ARMH1: variants seen among roughly 807,000 people sequenced by gnomAD.
ARMH1 encodes armadillo like helical domain containing 1.
ARMH1 carries 34 observed loss-of-function variants against 50.2 expected under a neutral mutation model. The observed-to-expected ratio is 0.68, with a 90% confidence interval of 0.51 to 0.90. ARMH1 has a LOEUF of 0.90. Among genes scored for constraint, ARMH1 ranks in the 40% least tolerant of loss-of-function variants. The pLI, the probability that ARMH1 is intolerant of heterozygous loss-of-function variation, is 0.00. For synonymous variants in ARMH1, 221 were observed against 224.2 expected, an observed-to-expected ratio of 0.99 and a Z score of 0.13; for missense variants, 538 against 553.9, an observed-to-expected ratio of 0.97 and a Z score of 0.29.
intron 6 of ARMH1, among the ~76,000 whole-genome samples, chr1:44,706,688 G>A (rs1646360440): frequency 6.6e-6 from 1 of 152,120 alleles, no homozygotes; most frequent in South Asian, 2.1e-4. Flanking sequence ...GTGCATATGT[G>A]GGCCTTGTAT....
chr1:44,688,921 C>T (rs953318850), intron 1 of ARMH1, among the ~76,000 whole-genome samples: 2 of 151,976 alleles, frequency 1.3e-5, no homozygotes, highest in Admixed American at 6.6e-5. Flanking sequence ...TGTAAAAGCC[C>T]GAGGTACAAG....
intron 1 of ARMH1, among the ~76,000 whole-genome samples, chr1:44,677,521 A>G (rs929281352): frequency 6.6e-6 from 1 of 152,262 alleles, no homozygotes; most frequent in Admixed American, 6.5e-5. Flanking sequence ...CAGTGAAGTC[A>G]GAGAATCCAC....
chr1:44,691,464 T>C (rs938434870), intron 2 of ARMH1, among the ~76,000 whole-genome samples: 11 of 152,170 alleles, frequency 7.2e-5, no homozygotes, highest in Admixed American at 7.2e-4. Flanking sequence ...TCAGTGGCAT[T>C]TGTCAATCAA....
Position 44,695,096 on chromosome 1 carries a change from G to A in ARMH1, c.207-2006G>A, listed in dbSNP as rs535325910. On this transcript the variant is annotated intron_variant, in intron 2 of 11. Transcript: ENST00000535358. Reference sequence around the variant, plus strand: ...CACACTGGGAGTTCATCTGCAAAGCGCCCTCCCTCCATTTGTCTACAAGCC... The same window carrying A: ...CACACTGGGAGTTCATCTGCAAAGCACCCTCCCTCCATTTGTCTACAAGCC... Among the ~76,000 whole-genome samples, 4 of 152,174 alleles carry A rather than the reference G, an allele frequency of 2.6e-5. No homozygotes were observed. The East Asian group carries it at 5.8e-4, about 22-fold the overall frequency.
intron 6 of ARMH1, chr1:44,721,781 C>G (rs867774971): frequency 2.6e-5 from 4 of 152,088 alleles, no homozygotes; most frequent in African/African-American, 7.3e-5. Flanking sequence ...AGTAACAGAA[C>G]ATTCAGCCTT....
At chr1:44,680,939 C>T (rs1043827286) in intron 1 of ARMH1, among the ~76,000 whole-genome samples, 3 of 151,952 alleles carry the variant, frequency 2.0e-5, no homozygotes, top group Admixed American at 1.3e-4. Context: ...TTGTCAAGGC[C>T]GTAGGAATGA....
At chr1:44,710,042 C>T (rs545730509) in intron 6 of ARMH1, among the ~76,000 whole-genome samples, 1 of 152,096 alleles carries the variant, frequency 6.6e-6, no homozygotes, top group African/African-American at 2.4e-5. Context: ...GTTCATCAGC[C>T]CCAAAGTACA....
chr1:44,706,198 A>G (rs982713540), intron 6 of ARMH1, among the ~76,000 whole-genome samples: 7 of 152,310 alleles, frequency 4.6e-5, no homozygotes, highest in African/African-American at 1.7e-4. Flanking sequence ...AGCCACAGGG[A>G]ACCACTTGAG....
chr1:44,698,100 G>A lies in ARMH1; in HGVS notation c.313G>A (p.Val105Ile). Residue 105 changes from valine to isoleucine, a missense_variant, in exon 4 of 12, where the codon GTC becomes ATC. Coordinates refer to ENST00000535358, the MANE Select transcript of ARMH1 (RefSeq NM_001145636.2). ...TATAGAATTTCTTGAGGTTGGAGGT[G>A]TCCTAACCCTCTTGGAAATACTTGG... ...YLIEFLEVGGVLTLLEILGLE... is the reference protein window; with the variant it reads ...YLIEFLEVGGILTLLEILGLE... 1.3e-6 allele frequency: 2 copies of A among 1,552,160 alleles called. No individual in the cohort carries two copies. The highest frequency in any genetic ancestry group is 2.4e-5 in the East Asian group (1 of 40,924).
chr1:44,712,953 T>A (rs1425103488), intron 6 of ARMH1, among the ~76,000 whole-genome samples: 1 of 151,872 alleles, frequency 6.6e-6, no homozygotes, highest in South Asian at 2.1e-4. Flanking sequence ...CGTGAGCCAC[T>A]GCACCACCTG....
At chr1:44,693,415 C>T (rs1645722254) in intron 2 of ARMH1, among the ~76,000 whole-genome samples, 1 of 152,166 alleles carries the variant, frequency 6.6e-6, no homozygotes, top group Non-Finnish European at 1.5e-5. Flanking sequence ...CTATTTAACA[C>T]TGTGATGTCT....
In ARMH1 at chr1:44,725,561, G is replaced by A; in HGVS notation, c.*158G>A. 6 of 704,598 alleles carry A rather than the reference G, an allele frequency of 8.5e-6. No homozygotes were observed. Among genetic ancestry groups the A allele is most frequent in the South Asian group, 7.4e-5 (4 of 54,408 alleles). The allele number at this position is 704,598 out of a possible 1,614,324, so 43.6% of individuals were successfully genotyped here. A position where few individuals can be genotyped will look rare whatever the true frequency, so the allele number is the denominator to read the frequency against. On this transcript the variant is annotated 3_prime_UTR_variant, in exon 12 of 12. Transcript: ENST00000535358. ...GGGCAGAGGAAGAGCCGCTGGCTGC[G>A]AAGAGTCAATAAACAGCCTTGATAC...
At chr1:44,709,706 G>GC (rs1646515347) in intron 6 of ARMH1, among the ~76,000 whole-genome samples, 1 of 150,008 alleles carries the variant, frequency 6.7e-6, no homozygotes, top group Non-Finnish European at 1.5e-5. Context: ...GCATGGTGGC[G>GC]CGCACCTGTA....
At chr1:44,691,740 A>G (rs1353691596) in intron 2 of ARMH1, among the ~76,000 whole-genome samples, 1 of 152,176 alleles carries the variant, frequency 6.6e-6, no homozygotes, top group African/African-American at 2.4e-5. Flanking sequence ...ATATCCAACT[A>G]TTCCATACCC....
At chr1:44,721,468 C>T (rs890582600) in intron 6 of ARMH1, among the ~76,000 whole-genome samples, 1 of 151,964 alleles carries the variant, frequency 6.6e-6, no homozygotes, top group African/African-American at 2.4e-5. Context: ...CACAAGACTT[C>T]AGCCAAATTA....
intron 1 of ARMH1, chr1:44,684,709 C>G (rs539278417): frequency 3.7e-4 from 57 of 152,292 alleles, no homozygotes; most frequent in African/African-American, 1.3e-3. Context: ...AGAGCACTTG[C>G]CTGCACTCCA....
Position 44,724,958 on chromosome 1 carries a change from C to T in ARMH1, c.1128+119C>T. Reference sequence around the variant, plus strand: ...CATGCAGAGTGGACCTGGCCACCAGCTGCAGGAGGGACTGCTCTGGCGTAG... The same window carrying T: ...CATGCAGAGTGGACCTGGCCACCAGTTGCAGGAGGGACTGCTCTGGCGTAG... On this transcript the variant is annotated intron_variant, in intron 10 of 11. Transcript: ENST00000535358. This position sits in a 1 kb window ranked among gnomAD's most constrained non-coding sequence, Gnocchi z 6.4. 2 of 1,497,966 alleles carry T rather than the reference C, an allele frequency of 1.3e-6. No individual in the cohort carries two copies. Among genetic ancestry groups the T allele is most frequent in the East Asian group, 4.9e-5 (2 of 40,532 alleles). 92.8% of individuals were successfully genotyped at this position (1,497,966 alleles called of 1,614,324 possible). A position where few individuals can be genotyped will look rare whatever the true frequency, so the allele number is the denominator to read the frequency against.
In ARMH1 at chr1:44,724,252, C is replaced by A; in HGVS notation, c.847+8C>A. The A allele has an allele frequency of 1.3e-6, 2 of 1,551,648 alleles. No individual in the cohort carries two copies. The highest frequency in any genetic ancestry group is 8.7e-7 in the Non-Finnish European group (1 of 1,146,932). ...AGGCCAAGATCCTCAGTGGTAAGGA[C>A]CTGCTCAAATGGGGCTGCCTGGGCC... On this transcript the variant is annotated splice_region_variant and intron_variant, in intron 7 of 11. Transcript: ENST00000535358. The surrounding 1 kb of genome is among the most constrained non-coding windows in gnomAD (Gnocchi z 6.4).
At chr1:44,690,632 T>C (rs1645629950) in intron 2 of ARMH1, among the ~76,000 whole-genome samples, 1 of 152,220 alleles carries the variant, frequency 6.6e-6, no homozygotes, top group Non-Finnish European at 1.5e-5. Context: ...GTTTCAAATC[T>C]ATATTCCACC....
Sources: gnomAD v4.1 joint callset for allele counts (sites outside exome capture counted in the v4.1 genomes callset) on GRCh38, gnomAD v4.1.1 for gene constraint, Gnocchi (gnomAD v3.1) non-coding constraint, MANE v1.5 for transcripts, NCBI Gene and HGNC (gene_info 2026-07-23, HGNC 2026-07-21) for gene names.